Variants in CDYL observed in about 807,000 individuals in gnomAD.
CDYL encodes chromodomain Y-like protein.
Under a neutral mutation model 47.3 loss-of-function variants are expected in CDYL, and 8 were observed. The ratio of observed to expected loss-of-function variants is 0.17; its 90% CI spans 0.10 to 0.31. The LOEUF is 0.31. Ranked by LOEUF, CDYL falls within the 10% of genes least tolerant of loss-of-function variation. The pLI, the probability that CDYL is intolerant of heterozygous loss-of-function variation, is 1.00. For synonymous variants in CDYL, 266 were observed against 265.0 expected, an observed-to-expected ratio of 1.00 and a Z score of -0.04; for missense variants, 471 against 701.4, an observed-to-expected ratio of 0.67 and a Z score of 3.71.
chr6:4,822,619 T>C (rs1759873117), intron 1 of CDYL, among the ~76,000 whole-genome samples: 1 of 152,220 alleles, frequency 6.6e-6, no homozygotes, highest in Non-Finnish European at 1.5e-5. Context: ...CTCTGGAATC[T>C]ATCTGAATGT....
intron 1 of CDYL, among the ~76,000 whole-genome samples, chr6:4,889,260 T>C (rs1263534360): frequency 6.6e-6 from 1 of 152,016 alleles, no homozygotes; most frequent in Non-Finnish European, 1.5e-5. Context: ...AGTCTTGCAC[T>C]GTCGCCCAGG....
chr6:4,864,384 A>G (rs192531038), intron 1 of CDYL, among the ~76,000 whole-genome samples: 54 of 152,344 alleles, frequency 3.5e-4, no homozygotes, highest in African/African-American at 1.2e-3. Context: ...ATTGGGAAAC[A>G]TTTTATTGAC....
chr6:4,923,943 T>C (rs1757794786), intron 2 of CDYL, among the ~76,000 whole-genome samples: 1 of 151,744 alleles, frequency 6.6e-6, no homozygotes, highest in South Asian at 2.1e-4. Context: ...AGTTCCCCTT[T>C]CTCCAAGGAG....
In CDYL at chr6:4,734,843, A is replaced by G. The variant is rs769340906; in HGVS notation, c.185A>G (p.Gln62Arg). The G allele has an allele frequency of 1.2e-5, 20 of 1,614,082 alleles. 1 individual carries two copies. Among genetic ancestry groups the G allele is most frequent in the Non-Finnish European group, 1.2e-5 (14 of 1,179,986 alleles). ...GGGGCACAGCAGCCTCCCGCTTTAC[A>G]GGTAGGTCTTGGTTTCTCCCAGTGG... Residue 62 changes from glutamine to arginine, a missense_variant and splice_region_variant, in exon 3 of 9, where the codon CAG (glutamine) becomes CGG (arginine). Coordinates refer to the CDYL transcript ENST00000328908.
chr6:4,938,233 G>GTT (rs11320865), intron 4 of CDYL, among the ~76,000 whole-genome samples: 11 of 144,924 alleles, frequency 7.6e-5, no homozygotes, highest in Admixed American at 1.4e-4. Context: ...TTTTTTTGTT[G>GTT]TTTTTTTTTT....
chr6:4,831,294 T>C (rs1760136592), intron 1 of CDYL, among the ~76,000 whole-genome samples: 1 of 152,224 alleles, frequency 6.6e-6, no homozygotes. Flanking sequence ...GCTTTCTACA[T>C]ATGGCTAGCC....
At chr6:4,805,315 A>C (rs1759339870) in intron 1 of CDYL, among the ~76,000 whole-genome samples, 9 of 152,226 alleles carry the variant, frequency 5.9e-5, no homozygotes, top group Admixed American at 5.9e-4. Context: ...TGCTTGGTAG[A>C]AAGAATGTTA....
At chr6:4,795,170 T>G (rs541339237) in intron 1 of CDYL, among the ~76,000 whole-genome samples, 56 of 152,232 alleles carry the variant, frequency 3.7e-4, no homozygotes, top group African/African-American at 1.2e-3. Context: ...AAAAATCTGG[T>G]TAAAGTTTTA....
chr6:4,866,348 T>C (rs2127470942), intron 1 of CDYL, among the ~76,000 whole-genome samples: 1 of 152,230 alleles, frequency 6.6e-6, no homozygotes, highest in Non-Finnish European at 1.5e-5. Context: ...AAAGTGGTTA[T>C]TTATTTATTT....
intron 3 of CDYL, among the ~76,000 whole-genome samples, chr6:4,763,238 T>C (rs963416270): frequency 2.6e-5 from 4 of 152,112 alleles, no homozygotes; most frequent in Admixed American, 6.5e-5. Context: ...AAAGCAAATA[T>C]TAGATGTTTT....
intron 2 of CDYL, among the ~76,000 whole-genome samples, chr6:4,909,525 A>G (rs1037161080): frequency 1.3e-5 from 2 of 152,166 alleles, no homozygotes; most frequent in African/African-American, 4.8e-5. Context: ...GCCCTGCTTA[A>G]GGGTGTGTCT....
At chr6:4,719,877 T>G (rs1319786612) in intron 2 of CDYL, among the ~76,000 whole-genome samples, 1 of 152,172 alleles carries the variant, frequency 6.6e-6, no homozygotes, top group Non-Finnish European at 1.5e-5. Flanking sequence ...AGAAAAAAAC[T>G]TATCTGTGCC....
intron 3 of CDYL, among the ~76,000 whole-genome samples, chr6:4,738,727 A>G (rs1230810614): frequency 6.6e-6 from 1 of 152,226 alleles, no homozygotes; most frequent in African/African-American, 2.4e-5. Context: ...TGTTTACTGC[A>G]GTGTTGCTCT....
intron 5 of CDYL, 99 bp from the exon 6 acceptor site, chr6:4,952,167 A>T: frequency 7.2e-7 from 1 of 1,391,276 alleles, no homozygotes; most frequent in Non-Finnish European, 9.7e-7. Flanking sequence ...CGGGGCTGGT[A>T]TTTGTGAATG....
chr6:4,869,243 C>T (rs1269150318), intron 1 of CDYL, among the ~76,000 whole-genome samples: 1 of 151,928 alleles, frequency 6.6e-6, no homozygotes, highest in African/African-American at 2.4e-5. Context: ...CTACAGGTGC[C>T]CACCACCATG....
chr6:4,806,960 T>C (rs1400029744), intron 1 of CDYL, among the ~76,000 whole-genome samples: 2 of 152,194 alleles, frequency 1.3e-5, no homozygotes, highest in African/African-American at 4.8e-5. Context: ...CAGGATGGGA[T>C]TCTCCCGAGG....
At chr6:4,753,472 A>C (rs1483222010) in intron 3 of CDYL, among the ~76,000 whole-genome samples, 1 of 152,176 alleles carries the variant, frequency 6.6e-6, no homozygotes, top group Non-Finnish European at 1.5e-5. Context: ...TTTTTGAGAA[A>C]TAATGTTTGT....
intron 3 of CDYL, among the ~76,000 whole-genome samples, chr6:4,744,569 C>A (rs1027640310): frequency 1.3e-5 from 2 of 152,276 alleles, no homozygotes; most frequent in East Asian, 3.9e-4. Flanking sequence ...AGTCCAGAGT[C>A]CTACTACCAC....
chr6:4,896,577 A>AT (rs1762290366), intron 2 of CDYL, among the ~76,000 whole-genome samples: 1 of 152,116 alleles, frequency 6.6e-6, no homozygotes, highest in Non-Finnish European at 1.5e-5. Context: ...AACAACATAT[A>AT]TGGCCAGAAA....
Sources: gnomAD v4.1 joint callset for allele counts (sites outside exome capture counted in the v4.1 genomes callset) on GRCh38, gnomAD v4.1.1 for gene constraint, MANE v1.5 for transcripts, NCBI Gene and HGNC (gene_info 2026-07-23, HGNC 2026-07-21) for gene names.